Variants in FSTL5 observed in about 807,000 individuals in gnomAD.
The protein encoded by FSTL5 is follistatin like 5.
Under a neutral mutation model 89.1 loss-of-function variants are expected in FSTL5, and 62 were observed. The ratio of observed to expected loss-of-function variants is 0.70; its 90% CI spans 0.57 to 0.86. FSTL5 has a LOEUF of 0.86. Ranked by LOEUF, FSTL5 falls within the 40% of genes least tolerant of loss-of-function variation. FSTL5 has a pLI of 0.00. For missense variants in FSTL5, 1,057 were observed against 1,001.6 expected, an observed-to-expected ratio of 1.06 and a Z score of -0.75; for synonymous variants, 383 against 346.2, an observed-to-expected ratio of 1.11 and a Z score of -1.18.
chr4:161,501,922 C>T (rs181395488), intron 11 of FSTL5, among the ~76,000 whole-genome samples: 204 of 152,016 alleles, frequency 1.3e-3, no homozygotes, highest in East Asian at 7.7e-4. Flanking sequence ...ATCAATTTAA[C>T]ATTATTGGTT....
intron 3 of FSTL5, among the ~76,000 whole-genome samples, chr4:161,926,176 T>A (rs1734115746): frequency 6.6e-6 from 1 of 151,822 alleles, no homozygotes; most frequent in Non-Finnish European, 1.5e-5. Flanking sequence ...TTTCATGACC[T>A]GTAATAATTG....
chr4:162,117,365 G>C (rs189514139), intron 1 of FSTL5, among the ~76,000 whole-genome samples: 73 of 152,264 alleles, frequency 4.8e-4, no homozygotes, highest in African/African-American at 1.7e-3. Flanking sequence ...AGAGCAAATG[G>C]CATTTTCTTT....
chr4:161,604,897 C>T (rs771458240), intron 7 of FSTL5, among the ~76,000 whole-genome samples: 2 of 152,166 alleles, frequency 1.3e-5, no homozygotes, highest in Non-Finnish European at 2.9e-5. Context: ...ACTCCTTTCT[C>T]ACCCACGGTT....
intron 13 of FSTL5, among the ~76,000 whole-genome samples, chr4:161,467,488 T>C (rs914732453): frequency 7.2e-5 from 11 of 152,182 alleles, no homozygotes; most frequent in Non-Finnish European, 1.5e-4. Context: ...GATGTCTTTA[T>C]ACACTTAGGT....
intron 4 of FSTL5, among the ~76,000 whole-genome samples, chr4:161,777,835 T>C (rs1741470833): frequency 6.6e-6 from 1 of 152,186 alleles, no homozygotes; most frequent in Non-Finnish European, 1.5e-5. Context: ...GGCTCATGTC[T>C]GTAATCCCAG....
intron 3 of FSTL5, among the ~76,000 whole-genome samples, chr4:161,985,302 A>G (rs995189068): frequency 6.6e-6 from 1 of 152,174 alleles, no homozygotes; most frequent in Non-Finnish European, 1.5e-5. Flanking sequence ...ATTCTTCATG[A>G]AACTTCATAA....
intron 10 of FSTL5, among the ~76,000 whole-genome samples, chr4:161,525,030 C>G (rs552092159): frequency 3.0e-4 from 46 of 152,044 alleles, no homozygotes; most frequent in African/African-American, 9.9e-4. Flanking sequence ...ATGGAAGTGT[C>G]ACTACAACCA....
intron 5 of FSTL5, 43 bp from the exon 6 acceptor site, chr4:161,759,574 A>G (rs773428720): frequency 8.3e-7 from 1 of 1,209,290 alleles, no homozygotes; most frequent in Admixed American, 2.7e-5. Context: ...TTTGTGTCTT[A>G]AAATTTCTAT....
intron 15 of FSTL5, among the ~76,000 whole-genome samples, chr4:161,434,272 T>A (rs1364087577): frequency 6.6e-6 from 1 of 152,006 alleles, no homozygotes; most frequent in East Asian, 1.9e-4. Flanking sequence ...GTAAAGTCAT[T>A]TTCAACAAAG....
At chr4:161,971,906 G>C (rs1374681318) in intron 3 of FSTL5, among the ~76,000 whole-genome samples, 1 of 152,086 alleles carries the variant, frequency 6.6e-6, no homozygotes, top group Non-Finnish European at 1.5e-5. Context: ...AGTTGATGAT[G>C]CTTTCTAATT....
intron 15 of FSTL5, among the ~76,000 whole-genome samples, chr4:161,402,201 T>C (rs1731202989): frequency 6.6e-6 from 1 of 152,164 alleles, no homozygotes; most frequent in African/African-American, 2.4e-5. Flanking sequence ...GATGCATCAT[T>C]TGCAACAAAT....
At chr4:162,007,836 G>A (rs1578942035) in intron 3 of FSTL5, among the ~76,000 whole-genome samples, 1 of 151,926 alleles carries the variant, frequency 6.6e-6, no homozygotes, top group East Asian at 1.9e-4. Context: ...ATGAAATGAT[G>A]AGCTGAGCAT....
chr4:161,775,763 T>C, intron 5 of FSTL5, 115 bp downstream of exon 5: 1 of 538,400 alleles, frequency 1.9e-6, no homozygotes. Flanking sequence ...TTCATATACT[T>C]TTCAATAATA....
At chr4:161,816,127 C>T (rs550547614) in intron 4 of FSTL5, among the ~76,000 whole-genome samples, 2 of 152,228 alleles carry the variant, frequency 1.3e-5, no homozygotes, top group African/African-American at 4.8e-5. Context: ...GGCAGATGAA[C>T]TTTCAGGGTG....
At position 161,542,570 on chromosome 4, in the gene FSTL5, T is replaced by C. The variant is rs1731863118; in HGVS notation, c.1139A>G (p.Asp380Gly). ...TTGTTTGGAAAGCTTTGGTGTAATATCAATTCCATTCTTCAACCAGCCAAG... is the reference window on the plus strand; with the variant it reads ...TTGTTTGGAAAGCTTTGGTGTAATACCAATTCCATTCTTCAACCAGCCAAG... The part of the protein sequence containing the change: ...PQLGWLKNGI[D>G]ITPKLSKQLT... The change falls in exon 9 of 16, where the codon GAT becomes GGT. Residue 380 changes from aspartate to glycine, a missense_variant. Around this residue, in one of 3 missense-constraint regions of FSTL5, gnomAD observed 980 missense variants for 903.2 expected, o/e 1.08. Coordinates refer to ENST00000306100, the MANE Select transcript of FSTL5 (RefSeq NM_020116.5). The C allele has an allele frequency of 1.9e-6, 3 of 1,559,216 alleles. No individual in the cohort carries two copies. Among genetic ancestry groups the C allele is most frequent in the South Asian group, 1.2e-5 (1 of 83,396 alleles).
intron 6 of FSTL5, among the ~76,000 whole-genome samples, chr4:161,665,127 C>G (rs1018444560): frequency 6.6e-6 from 1 of 152,198 alleles, no homozygotes; most frequent in Non-Finnish European, 1.5e-5. Context: ...AAATTAGGAA[C>G]ACTCAATTTA....
intron 6 of FSTL5, among the ~76,000 whole-genome samples, chr4:161,680,187 T>C (rs1737467930): frequency 6.6e-6 from 1 of 151,860 alleles, no homozygotes; most frequent in Non-Finnish European, 1.5e-5. Context: ...AACCCAAGTC[T>C]CAGTTTAAGT....
chr4:161,800,718 A>C (rs1276226907), intron 4 of FSTL5, among the ~76,000 whole-genome samples: 1 of 151,598 alleles, frequency 6.6e-6, no homozygotes, highest in Non-Finnish European at 1.5e-5. Context: ...GTGATGTTTT[A>C]ATTCAGAAAG....
Position 161,773,826 on chromosome 4 carries a change from A to G in FSTL5, c.606+2052T>C, listed in dbSNP as rs527918333. On this transcript the variant is annotated intron_variant, in intron 5 of 15. Transcript: ENST00000306100. The stretch of plus-strand genomic sequence containing the variant: ...AATAGAACTACCATTTGATCTAGCA[A>G]TCCCACTACTGGGTATCTACCAAGA... Among the ~76,000 whole-genome samples, 3 of 152,338 alleles carry G rather than the reference A, an allele frequency of 2.0e-5. No homozygotes were observed. The South Asian group carries it at 6.2e-4, about 32-fold the overall frequency.
Sources: allele counts gnomAD v4.1 joint callset (sites outside exome capture counted in the v4.1 genomes callset), GRCh38; gene constraint gnomAD v4.1.1; regional missense constraint gnomAD v4.1.1; transcripts MANE v1.5; gene names NCBI Gene and HGNC (gene_info 2026-07-23, HGNC 2026-07-21).